The following SSC5D variants were observed in gnomAD, a reference collection of about 807,000 sequenced individuals.
SSC5D encodes scavenger receptor cysteine rich family member with 5 domains.
Under a neutral mutation model 104.6 loss-of-function variants are expected in SSC5D, and 106 were observed. The ratio of observed to expected loss-of-function variants is 1.01; its 90% CI spans 0.87 to 1.19. SSC5D has a LOEUF of 1.19. Ranked by LOEUF, SSC5D falls within the 50% of genes most tolerant of loss-of-function variation. The pLI is 0.00. For missense variants in SSC5D, 1,993 were observed against 2,153.8 expected, an observed-to-expected ratio of 0.93 and a Z score of 1.48; for synonymous variants, 860 against 883.5, an observed-to-expected ratio of 0.97 and a Z score of 0.47.
intron 12 of SSC5D, 106 bp downstream of exon 12, chr19:55,501,307 G>C: frequency 1.5e-6 from 2 of 1,334,476 alleles, no homozygotes; most frequent in Non-Finnish European, 2.0e-6. Flanking sequence ...CTGAGGCCTC[G>C]GGGCACCCTG....
In SSC5D at chr19:55,518,814, A is replaced by G; in HGVS notation, c.4538A>G (p.Gln1513Arg). The change falls in exon 14 of 14, where the codon CAG becomes CGG. Residue 1513 changes from glutamine to arginine, a missense_variant. Coordinates refer to ENST00000389623, the MANE Select transcript of SSC5D (RefSeq NM_001144950.2). ...QLQRLTQVVEQERQERQALLL... is the reference protein window; with the variant it reads ...QLQRLTQVVERERQERQALLL... ...CAGAGACTGACCCAGGTCGTGGAAC[A>G]GGAGCGGCAGGAGCGCCAAGCCCTG... 6.4e-7 allele frequency: 1 copy of G among 1,550,404 alleles called. No homozygotes were observed. Among genetic ancestry groups the G allele is most frequent in the Non-Finnish European group, 8.7e-7 (1 of 1,146,988 alleles).
intron 12 of SSC5D, among the ~76,000 whole-genome samples, chr19:55,507,083 C>T (rs1987651490): frequency 6.6e-6 from 1 of 151,672 alleles, no homozygotes; most frequent in African/African-American, 2.4e-5. Flanking sequence ...GCAGGAGAAT[C>T]GCTTGAACCT....
At chr19:55,507,485 T>C (rs1433850079) in intron 12 of SSC5D, among the ~76,000 whole-genome samples, 10 of 147,794 alleles carry the variant, frequency 6.8e-5, no homozygotes, top group African/African-American at 2.5e-4. Context: ...GCCAACATGG[T>C]GAAATCCCGT....
rs1350342666 is a variant in SSC5D, at chr19:55,493,734, G to T, written c.1035G>T (p.Leu345=). 2 of 1,522,822 alleles carry T rather than the reference G, an allele frequency of 1.3e-6. No homozygotes were observed. The highest frequency in any genetic ancestry group is 1.2e-5 in the South Asian group (1 of 81,740). The allele number at this position is 1,522,822 out of a possible 1,614,324, so 94.3% of individuals were successfully genotyped here. The change falls in exon 7 of 14, where the codon CTG becomes CTT. Residue 345 remains leucine (L), a synonymous_variant. Coordinates refer to ENST00000389623, the MANE Select transcript of SSC5D (RefSeq NM_001144950.2). ...ACGCCGCTGTGGCCTGCCGAGAGCT[G>T]GGCTGCGGAGGGGCGCTGGCCGCCC... is the stretch of plus-strand genomic sequence containing the variant. The part of the protein sequence containing the change: ...LRDAAVACRE[L]GCGGALAAPG...
Position 55,494,908 on chromosome 19 carries a change from T to C in SSC5D, c.1387+125T>C, listed in dbSNP as rs1599916314. The C allele has an allele frequency of 3.5e-6, 4 of 1,158,430 alleles. 1 individual carries two copies. In the South Asian group the frequency reaches 6.9e-5, roughly 20 times the overall value. 71.8% of individuals were successfully genotyped at this position (1,158,430 alleles called of 1,614,324 possible). A position where few individuals can be genotyped will look rare whatever the true frequency, so the allele number is the denominator to read the frequency against. On this transcript the variant is annotated intron_variant, in intron 8 of 13. Transcript: ENST00000389623. Reference sequence around the variant, plus strand: ...GGTGGAGAAGAGGAGCACAGGGGCCTCGCCCAGGACACTGAGCTGGGTTCA... The same window carrying C: ...GGTGGAGAAGAGGAGCACAGGGGCCCCGCCCAGGACACTGAGCTGGGTTCA...
At chr19:55,493,554 C>G in intron 6 of SSC5D, 41 bp from the exon 7 acceptor site, 2 of 1,399,612 alleles carry the variant, frequency 1.4e-6, no homozygotes, top group Non-Finnish European at 1.8e-6. Flanking sequence ...CGCTCATCCA[C>G]CCTCGTTTCC....
At chr19:55,495,235 T>TATATATATATATATATATATATATA (rs35787509) in intron 8 of SSC5D, among the ~76,000 whole-genome samples, 2 of 27,580 alleles carry the variant, frequency 7.3e-5, no homozygotes, top group African/African-American at 3.1e-4. Flanking sequence ...ATATATATAT[T>TATATATATATATATATATATATATA]TTTTTTTTTT....
At chr19:55,488,972 C>T in intron 1 of SSC5D, 34 bp from the exon 2 acceptor site, 1 of 1,138,834 alleles carries the variant, frequency 8.8e-7, no homozygotes, top group South Asian at 1.7e-5. Flanking sequence ...CGGCCTGCCC[C>T]TCACACTGCC....
At chr19:55,499,097 T>C (rs189329344) in intron 9 of SSC5D, among the ~76,000 whole-genome samples, 7 of 152,322 alleles carry the variant, frequency 4.6e-5, no homozygotes, top group Admixed American at 4.6e-4. Context: ...GCCACGTACA[T>C]GTGGCTGACC....
rs1243792245 is a variant in SSC5D, at chr19:55,489,051, C to A, written c.52+19C>A. 4.3e-6 allele frequency: 6 copies of A among 1,401,156 alleles called. No individual in the cohort carries two copies. Among genetic ancestry groups the A allele is most frequent in the East Asian group, 3.0e-5 (1 of 33,370 alleles). 86.8% of individuals were successfully genotyped at this position (1,401,156 alleles called of 1,614,324 possible). On this transcript the variant is annotated intron_variant, in intron 2 of 13. Transcript: ENST00000389623. ...GCTGTTGGTAAGTGCCCAGACTCCT[C>A]CCATCTGCCCGCCCCCCCCCCCAGG... is the stretch of plus-strand genomic sequence containing the variant.
chr19:55,517,445 C>A lies in SSC5D; in HGVS notation c.3169C>A (p.Arg1057=), dbSNP rs1487793091. The change falls in exon 14 of 14, where the codon CGG becomes AGG. Residue 1057 remains arginine, a synonymous_variant. Transcript: ENST00000389623. ...TSPPTPDPAS[R]TNPDLILTSP... Reference sequence around the variant, plus strand: ...ACCACCCACCCCAGACCCGGCCTCCCGGACGAACCCCGACCTCATCTTGAC... The same window carrying A: ...ACCACCCACCCCAGACCCGGCCTCCAGGACGAACCCCGACCTCATCTTGAC... 1 of 1,551,022 alleles carries A rather than the reference C, an allele frequency of 6.4e-7. No individual in the cohort carries two copies. The highest frequency in any genetic ancestry group is 1.4e-5 in the African/African-American group (1 of 72,920).
chr19:55,494,358 C>G (rs1432665641), intron 7 of SSC5D, among the ~76,000 whole-genome samples: 1 of 152,104 alleles, frequency 6.6e-6, no homozygotes, highest in Non-Finnish European at 1.5e-5. Flanking sequence ...TGCATAAGGT[C>G]ACCCCCCGCT....
Position 55,500,057 on chromosome 19 carries a change from G to GA in SSC5D, c.1950dup (p.His651ThrfsTer21). The GA allele has an allele frequency of 6.4e-7, 1 of 1,551,576 alleles. No individual in the cohort carries two copies. The highest frequency in any genetic ancestry group is 8.7e-7 in the Non-Finnish European group (1 of 1,146,976). ...CTCAACCCCCAGTGATGCCAACCAC[G>GA]AAACACTCCAGGGCCCAAAGCCCCC... On this transcript the variant is annotated frameshift_variant, in exon 10 of 14. Transcript: ENST00000389623. LOFTEE classifies it high-confidence loss of function. This position sits in a 1 kb window ranked among gnomAD's most constrained non-coding sequence, Gnocchi z 4.6.
In SSC5D at chr19:55,488,521, A is replaced by C; in HGVS notation, c.-69A>C. 2.2e-6 allele frequency: 3 copies of C among 1,379,708 alleles called. No individual in the cohort carries two copies. The highest frequency in any genetic ancestry group is 2.0e-6 in the Non-Finnish European group (2 of 1,002,666). 85.5% of individuals were successfully genotyped at this position (1,379,708 alleles called of 1,614,324 possible). A position where few individuals can be genotyped will look rare whatever the true frequency, so the allele number is the denominator to read the frequency against. ...CACTTCCCTCCCTCCCTCTCTCCCCAGCTGCCTCCTCCTCTTCTCTCCCCG... is the reference window on the plus strand; with the variant it reads ...CACTTCCCTCCCTCCCTCTCTCCCCCGCTGCCTCCTCCTCTTCTCTCCCCG... On this transcript the variant is annotated 5_prime_UTR_variant, in exon 1 of 14. Transcript: ENST00000389623.
intron 12 of SSC5D, among the ~76,000 whole-genome samples, chr19:55,502,977 G>A (rs556220873): frequency 2.0e-5 from 3 of 152,234 alleles, no homozygotes; most frequent in African/African-American, 4.8e-5. Context: ...CACCACTCCC[G>A]GCTAATTTTT....
intron 12 of SSC5D, among the ~76,000 whole-genome samples, chr19:55,508,205 A>G (rs2123452783): frequency 1.3e-5 from 2 of 152,280 alleles, no homozygotes; most frequent in East Asian, 3.9e-4. Flanking sequence ...CTGCACAGAT[A>G]GACAGCTGTG....
At position 55,497,909 on chromosome 19, in the gene SSC5D, C is replaced by T. The variant is rs138016784; in HGVS notation, c.1417C>T (p.Pro473Ser). The change falls in exon 9 of 14, where the codon CCC (proline) becomes TCC (serine). Residue 473 changes from proline to serine, a missense_variant. Pro to Ser is a moderately conservative substitution (Grantham distance 74). Transcript: ENST00000389623. ...GSPQLRLVAG[P>S]SKCSGRLEVW... is the part of the protein sequence containing the mutation. Reference sequence around the variant, plus strand: ...CCCCCAGCTGCGCCTGGTGGCTGGGCCCAGCAAGTGCTCAGGTCGACTGGA... The same window carrying T: ...CCCCCAGCTGCGCCTGGTGGCTGGGTCCAGCAAGTGCTCAGGTCGACTGGA... The T allele has an allele frequency of 2.6e-6, 4 of 1,545,472 alleles. No individual in the cohort carries two copies. The highest frequency in any genetic ancestry group is 4.9e-5 in the East Asian group (2 of 40,742).
chr19:55,502,661 C>G (rs1987536534), intron 12 of SSC5D, among the ~76,000 whole-genome samples: 1 of 151,586 alleles, frequency 6.6e-6, no homozygotes, highest in Non-Finnish European at 1.5e-5. Context: ...GTAAATTTCT[C>G]TCTCTCTTTT....
At chr19:55,511,690 C>T (rs1033807083) in intron 12 of SSC5D, among the ~76,000 whole-genome samples, 7 of 152,054 alleles carry the variant, frequency 4.6e-5, no homozygotes, top group African/African-American at 1.7e-4. Flanking sequence ...CAGGGTCCAG[C>T]GTGAGCAGAG....
Sources: allele counts gnomAD v4.1 joint callset (sites outside exome capture counted in the v4.1 genomes callset), GRCh38; gene constraint gnomAD v4.1.1; non-coding constraint Gnocchi (gnomAD v3.1); transcripts MANE v1.5; gene names NCBI Gene and HGNC (gene_info 2026-07-23, HGNC 2026-07-21).